The following CNTNAP2 variants were observed in gnomAD, a reference collection of about 807,000 sequenced individuals.
CNTNAP2 encodes contactin associated protein 2.
In CNTNAP2, 98 loss-of-function variants were observed where a neutral mutation model predicts 155.2. The observed-to-expected ratio is 0.63, with a 90% CI of 0.54 to 0.75. CNTNAP2 has a LOEUF of 0.75. Ranked by LOEUF, CNTNAP2 falls within the 30% of genes least tolerant of loss-of-function variation. CNTNAP2 has a pLI of 0.00. For missense variants in CNTNAP2, 1,727 were observed against 1,688.1 expected, an observed-to-expected ratio of 1.02 and a Z score of -0.40; for synonymous variants, 651 against 631.2, an observed-to-expected ratio of 1.03 and a Z score of -0.47.
At chr7:146,771,796 T>C (rs1802297131) in intron 1 of CNTNAP2, among the ~76,000 whole-genome samples, 1 of 152,194 alleles carries the variant, frequency 6.6e-6, no homozygotes, top group Admixed American at 6.5e-5. Flanking sequence ...ACAAGAAAAT[T>C]AGTTTATTCT....
At chr7:148,057,411 G>A (rs1310993226) in intron 15 of CNTNAP2, among the ~76,000 whole-genome samples, 2 of 152,088 alleles carry the variant, frequency 1.3e-5, no homozygotes, top group South Asian at 4.1e-4. Flanking sequence ...GTGTCGAAAG[G>A]TCCTAACATG....
chr7:148,087,920 G>T (rs977683106), intron 15 of CNTNAP2, among the ~76,000 whole-genome samples: 3 of 152,032 alleles, frequency 2.0e-5, no homozygotes, highest in Non-Finnish European at 4.4e-5. Context: ...ATTATATATT[G>T]CTATGCTCTA....
chr7:146,751,621 A>C (rs1191777984), intron 1 of CNTNAP2, among the ~76,000 whole-genome samples: 1 of 151,932 alleles, frequency 6.6e-6, no homozygotes, highest in African/African-American at 2.4e-5. Context: ...TTTATTTTTA[A>C]ATTTTACTCT....
At chr7:146,830,140 T>C (rs1049210935) in intron 2 of CNTNAP2, among the ~76,000 whole-genome samples, 5 of 152,142 alleles carry the variant, frequency 3.3e-5, no homozygotes, top group Admixed American at 2.6e-4. Flanking sequence ...CGAATTTATA[T>C]TTTCCTGTTT....
intron 4 of CNTNAP2, among the ~76,000 whole-genome samples, chr7:147,090,343 GTGTGTGTGTT>G (rs1012087054): frequency 2.6e-5 from 4 of 151,978 alleles, no homozygotes; most frequent in East Asian, 1.9e-4. Flanking sequence ...GTGTGTGTGT[GTGTGTGTGTT>G]ACAATTCTCT....
At chr7:146,152,356 G>A (rs957810556) in intron 1 of CNTNAP2, among the ~76,000 whole-genome samples, 2 of 152,068 alleles carry the variant, frequency 1.3e-5, no homozygotes, top group East Asian at 1.9e-4. Context: ...GTTTACAGGC[G>A]AGGGATGGTT....
chr7:148,234,255 A>G (rs57462712), intron 20 of CNTNAP2, among the ~76,000 whole-genome samples: 37,682 of 152,186 alleles, frequency 0.25, 4,765 homozygotes, highest in Middle Eastern at 0.3. Flanking sequence ...TTCAAAGTGT[A>G]CACAGGCTCT....
chr7:146,802,038 T>C (rs2129191699), intron 2 of CNTNAP2, among the ~76,000 whole-genome samples: 1 of 152,310 alleles, frequency 6.6e-6, no homozygotes, highest in African/African-American at 2.4e-5. Context: ...ATTGTTGTGT[T>C]GAATGAATTA....
At position 146,306,498 on chromosome 7, in the gene CNTNAP2, T is replaced by C. The variant is rs1800715513; in HGVS notation, c.97+189525T>C. 7.9e-5 allele frequency among the ~76,000 whole-genome samples: 12 copies of C among 152,164 alleles called. No homozygotes were observed. The South Asian group carries it at 2.5e-3, about 31-fold the overall frequency. ...TGAACATTGATGCAAAAATCCTCAA[T>C]AAAATACTGGCAAACTCAATCCAGC... is the stretch of plus-strand genomic sequence containing the variant. On this transcript the variant is annotated intron_variant, in intron 1 of 23. Transcript: ENST00000361727.
intron 1 of CNTNAP2, among the ~76,000 whole-genome samples, chr7:146,590,465 T>C (rs1278160111): frequency 6.6e-6 from 1 of 152,106 alleles, no homozygotes; most frequent in African/African-American, 2.4e-5. Flanking sequence ...GTCAATAGAA[T>C]ATGAAATTAT....
chr7:148,043,249 C>A (rs1317409841), intron 15 of CNTNAP2, among the ~76,000 whole-genome samples: 1 of 152,218 alleles, frequency 6.6e-6, no homozygotes, highest in Non-Finnish European at 1.5e-5. Context: ...CCCAGGAAGG[C>A]AAATAATCAG....
intron 11 of CNTNAP2, among the ~76,000 whole-genome samples, chr7:147,525,301 G>T (rs746357513): frequency 3.3e-5 from 5 of 152,176 alleles, no homozygotes; most frequent in Non-Finnish European, 5.9e-5. Flanking sequence ...GTATAACAAA[G>T]ACAAGGAGAG....
chr7:147,672,115 T>C (rs1419870976), intron 13 of CNTNAP2: 1 of 152,204 alleles, frequency 6.6e-6, no homozygotes, highest in Non-Finnish European at 1.5e-5. Context: ...TGATGTGCTG[T>C]ACTCCTGGAC....
chr7:146,247,048 A>C (rs1020348953), intron 1 of CNTNAP2, among the ~76,000 whole-genome samples: 13 of 152,066 alleles, frequency 8.5e-5, no homozygotes, highest in Non-Finnish European at 1.6e-4. Context: ...TAATTTTTGG[A>C]GTTGTATTTA....
intron 3 of CNTNAP2, among the ~76,000 whole-genome samples, chr7:146,960,328 G>GT (rs1797530745): frequency 6.6e-6 from 1 of 152,078 alleles, no homozygotes; most frequent in South Asian, 2.1e-4. Context: ...TATTTTCTCA[G>GT]TTTTAGCATT....
intron 15 of CNTNAP2, among the ~76,000 whole-genome samples, chr7:148,077,441 T>A (rs1803510117): frequency 6.6e-6 from 1 of 152,234 alleles, no homozygotes; most frequent in Non-Finnish European, 1.5e-5. Context: ...TGATAATTTC[T>A]GGGCCTCTTT....
At chr7:147,283,515 G>A (rs1284692594) in intron 8 of CNTNAP2, among the ~76,000 whole-genome samples, 2 of 151,794 alleles carry the variant, frequency 1.3e-5, no homozygotes, top group African/African-American at 4.8e-5. Flanking sequence ...AATAAAAAAA[G>A]ATTATCTGTG....
chr7:146,238,371 G>A (rs577888623), intron 1 of CNTNAP2, among the ~76,000 whole-genome samples: 5 of 152,110 alleles, frequency 3.3e-5, no homozygotes, highest in African/African-American at 1.2e-4. Flanking sequence ...TAAAATACCT[G>A]TTCTAATTTG....
intron 14 of CNTNAP2, among the ~76,000 whole-genome samples, chr7:147,941,986 T>C (rs1800731290): frequency 6.6e-6 from 1 of 152,234 alleles, no homozygotes; most frequent in East Asian, 1.9e-4. Context: ...CTTTACTGAA[T>C]GTTGGCTGTC....
Sources: allele counts gnomAD v4.1 joint callset (sites outside exome capture counted in the v4.1 genomes callset), GRCh38; gene constraint gnomAD v4.1.1; transcripts MANE v1.5; gene names NCBI Gene and HGNC (gene_info 2026-07-23, HGNC 2026-07-21).